The following KCNH1 variants were observed in gnomAD, a reference collection of about 807,000 sequenced individuals.
KCNH1 encodes the protein potassium voltage-gated channel subfamily H member 1, also known as voltage-gated delayed rectifier potassium channel KCNH1.
A neutral mutation model predicts 69.2 loss-of-function variants in KCNH1; 27 were observed. The observed-to-expected ratio is 0.39, with a 90% CI of 0.29 to 0.54. The LOEUF (loss-of-function observed/expected upper bound fraction) is 0.54. Ranked by LOEUF, KCNH1 falls within the 20% of genes least tolerant of loss-of-function variation. The probability of loss-of-function intolerance (pLI) is 0.68; values close to 1 mark genes in which losing one functional copy is unlikely to be tolerated. For missense variants in KCNH1, 798 were observed against 1,261.6 expected, an observed-to-expected ratio of 0.63 and a Z score of 5.57; for synonymous variants, 456 against 487.7, an observed-to-expected ratio of 0.93 and a Z score of 0.86.
intron 7 of KCNH1, among the ~76,000 whole-genome samples, chr1:210,892,846 G>C (rs528432256): frequency 6.6e-6 from 1 of 152,240 alleles, no homozygotes; most frequent in East Asian, 1.9e-4. Context: ...AGCATTTGTT[G>C]ATCATTGACT....
Position 211,134,136 on chromosome 1 carries a change from C to T in KCNH1, c.-191G>A. On this transcript the variant is annotated 5_prime_UTR_variant, in exon 1 of 11. Transcript: ENST00000271751. The surrounding 1 kb of genome is among the most constrained non-coding windows in gnomAD (Gnocchi z 5.7). ...TCTTCGCGCCTCCCTCCCTGCGGCC[C>T]GCCTCGCAGTGCACTCGCGCCGGCC... 1 of 470,620 alleles carries T rather than the reference C, an allele frequency of 2.1e-6. No individual in the cohort carries two copies. Among genetic ancestry groups the T allele is most frequent in the Non-Finnish European group, 3.7e-6 (1 of 267,664 alleles). 29.2% of individuals were successfully genotyped at this position (470,620 alleles called of 1,614,324 possible). A position where few individuals can be genotyped will look rare whatever the true frequency, so the allele number is the denominator to read the frequency against.
At chr1:210,965,210 C>T (rs1424260420) in intron 6 of KCNH1, among the ~76,000 whole-genome samples, 3 of 152,036 alleles carry the variant, frequency 2.0e-5, no homozygotes, top group Non-Finnish European at 4.4e-5. Flanking sequence ...TGCCCTCTCT[C>T]CACCACTCCT....
chr1:210,806,395 AT>A (rs138318986), intron 7 of KCNH1, among the ~76,000 whole-genome samples: 32,617 of 149,790 alleles, frequency 0.22, 3,809 homozygotes, highest in East Asian at 0.49. Flanking sequence ...CCATTTTTCA[AT>A]TTTTTTTTTA....
chr1:210,831,881 T>C (rs1685166869), intron 7 of KCNH1, among the ~76,000 whole-genome samples: 1 of 152,218 alleles, frequency 6.6e-6, no homozygotes. Flanking sequence ...TGAGATGTAC[T>C]GTATCTATGT....
In KCNH1 at chr1:210,869,368, G is replaced by T. The variant is rs184884427; in HGVS notation, c.1462+50272C>A. On this transcript the variant is annotated intron_variant, in intron 7 of 10. Transcript: ENST00000271751. ...TTTTTCTGCCCTTCATCCTTTCTGGGACTCCAGTGATATGCATATTTACAA... is the reference window on the plus strand; with the variant it reads ...TTTTTCTGCCCTTCATCCTTTCTGGTACTCCAGTGATATGCATATTTACAA... Among the ~76,000 whole-genome samples, 262 of 152,026 alleles carry T rather than the reference G, an allele frequency of 1.7e-3. 4 individuals are homozygous for T. Among genetic ancestry groups the T allele is most frequent in the African/African-American group, 5.9e-3 (245 of 41,484 alleles).
chr1:210,946,185 C>T (rs1423048483), intron 6 of KCNH1, among the ~76,000 whole-genome samples: 1 of 152,184 alleles, frequency 6.6e-6, no homozygotes, highest in East Asian at 1.9e-4. Flanking sequence ...GAAGGTGAGA[C>T]TTTATAGCTC....
chr1:211,105,866 T>C (rs1048882910), intron 2 of KCNH1, among the ~76,000 whole-genome samples: 1 of 152,262 alleles, frequency 6.6e-6, no homozygotes, highest in African/African-American at 2.4e-5. Context: ...AGAATTATAA[T>C]GTCTAAACCT....
At position 210,683,251 on chromosome 1, in the gene KCNH1, T is replaced by C. The variant is rs767783432; in HGVS notation, c.*30A>G. On this transcript the variant is annotated 3_prime_UTR_variant, in exon 11 of 11. Coordinates refer to ENST00000271751, the MANE Select transcript of KCNH1 (RefSeq NM_172362.3). The surrounding 1 kb of genome is among the most constrained non-coding windows in gnomAD (Gnocchi z 5.7). Reference sequence around the variant, plus strand: ...TGGTGACGGCAGGGTTGGAGGTATCTGTCTCTGACTTTTTTTTTAAATAGA... The same window carrying C: ...TGGTGACGGCAGGGTTGGAGGTATCCGTCTCTGACTTTTTTTTTAAATAGA... The C allele has an allele frequency of 1.4e-5, 22 of 1,597,900 alleles. No individual in the cohort carries two copies. The highest frequency in any genetic ancestry group is 1.7e-5 in the Non-Finnish European group (20 of 1,171,982).
At chr1:211,045,058 ATG>A (rs1558580824) in intron 5 of KCNH1, among the ~76,000 whole-genome samples, 2 of 133,826 alleles carry the variant, frequency 1.5e-5, no homozygotes, top group African/African-American at 2.7e-5. Context: ...ATATATATAT[ATG>A]AATAATAGAA....
chr1:211,032,649 C>G (rs1689811239), intron 5 of KCNH1, among the ~76,000 whole-genome samples: 1 of 152,116 alleles, frequency 6.6e-6, no homozygotes, highest in African/African-American at 2.4e-5. Flanking sequence ...CTGACAAAAA[C>G]AAGAAATGGG....
intron 1 of KCNH1, among the ~76,000 whole-genome samples, chr1:211,132,091 C>T (rs1691887046): frequency 6.6e-6 from 1 of 152,218 alleles, no homozygotes; most frequent in South Asian, 2.1e-4. Context: ...GCTCCCTCCA[C>T]TCAAAAACAT....
chr1:210,975,118 C>A (rs2102371193), intron 6 of KCNH1, among the ~76,000 whole-genome samples: 1 of 152,232 alleles, frequency 6.6e-6, no homozygotes, highest in East Asian at 1.9e-4. Flanking sequence ...TTCTGAAAGA[C>A]TTCACTTGGT....
chr1:211,091,692 A>C (rs550847634), intron 3 of KCNH1, among the ~76,000 whole-genome samples: 3 of 152,158 alleles, frequency 2.0e-5, no homozygotes, highest in Non-Finnish European at 4.4e-5. Context: ...CCTGAGCTAG[A>C]GTGGAGGAAA....
chr1:210,956,601 C>T (rs112599794), intron 6 of KCNH1, among the ~76,000 whole-genome samples: 11,775 of 138,546 alleles, frequency 0.085, 654 homozygotes, highest in South Asian at 0.2. Context: ...ACCTGTTATT[C>T]GTCTATTCAG....
intron 9 of KCNH1, among the ~76,000 whole-genome samples, chr1:210,779,040 A>C (rs1401176018): frequency 7.2e-5 from 11 of 152,222 alleles, no homozygotes; most frequent in Admixed American, 7.2e-4. Context: ...GTCGGAATAC[A>C]CCATGAAATA....
At chr1:210,709,736 GAGAGAA>G (rs144003200) in intron 10 of KCNH1, among the ~76,000 whole-genome samples, 33 of 72,528 alleles carry the variant, frequency 4.5e-4, no homozygotes, top group Middle Eastern at 0.011. Context: ...GAGAGAGAGA[GAGAGAA>G]AGAGAGAGAG....
intron 7 of KCNH1, among the ~76,000 whole-genome samples, chr1:210,813,788 C>T (rs1408573415): frequency 6.6e-6 from 1 of 152,164 alleles, no homozygotes; most frequent in Non-Finnish European, 1.5e-5. Flanking sequence ...ATTGCAGCTA[C>T]CATAATTCCC....
At chr1:211,129,467 GA>G (rs1340090850) in intron 1 of KCNH1, among the ~76,000 whole-genome samples, 1 of 152,174 alleles carries the variant, frequency 6.6e-6, no homozygotes, top group East Asian at 1.9e-4. Flanking sequence ...ATGGAATTTG[GA>G]AGCTTTATTT....
intron 6 of KCNH1, among the ~76,000 whole-genome samples, chr1:210,921,748 T>C (rs1687463568): frequency 6.6e-6 from 1 of 152,182 alleles, no homozygotes; most frequent in African/African-American, 2.4e-5. Context: ...GAGTCTAGCA[T>C]GACAGTGAGG....
Sources: allele counts gnomAD v4.1 joint callset (sites outside exome capture counted in the v4.1 genomes callset), GRCh38; gene constraint gnomAD v4.1.1; non-coding constraint Gnocchi (gnomAD v3.1); transcripts MANE v1.5; gene names NCBI Gene and HGNC (gene_info 2026-07-23, HGNC 2026-07-21).